CNTN3: variants seen among roughly 807,000 people sequenced by gnomAD.
The protein encoded by CNTN3 is contactin-3.
In CNTN3, 60 loss-of-function variants were observed where a neutral mutation model predicts 119.1. The ratio of observed to expected loss-of-function variants is 0.50; its 90% CI spans 0.41 to 0.62. The LOEUF (loss-of-function observed/expected upper bound fraction) is 0.62, where lower values mean the gene tolerates loss of function less well. Ranked by LOEUF, CNTN3 falls within the 20% of genes least tolerant of loss-of-function variation. The pLI is 0.00. For synonymous variants in CNTN3, 450 were observed against 438.7 expected, an observed-to-expected ratio of 1.03 and a Z score of -0.32; for missense variants, 1,101 against 1,242.4, an observed-to-expected ratio of 0.89 and a Z score of 1.71.
At chr3:74,277,387 A>G (rs527280260) in intron 20 of CNTN3, among the ~76,000 whole-genome samples, 1 of 152,304 alleles carries the variant, frequency 6.6e-6, no homozygotes, top group East Asian at 1.9e-4. Flanking sequence ...TAGCTAACTG[A>G]ATCCAACAAC....
chr3:74,391,608 C>T (rs1159794452), intron 5 of CNTN3, among the ~76,000 whole-genome samples: 1 of 144,894 alleles, frequency 6.9e-6, no homozygotes, highest in African/African-American at 2.7e-5. Flanking sequence ...GCTCTGTCCC[C>T]CAGGCTGGAG....
intron 1 of CNTN3, among the ~76,000 whole-genome samples, chr3:74,612,909 G>C (rs1381414138): frequency 6.6e-6 from 1 of 152,168 alleles, no homozygotes; most frequent in Non-Finnish European, 1.5e-5. Flanking sequence ...GCACGTATTA[G>C]GCATCTTACA....
chr3:74,525,745 G>A (rs1575808439), intron 1 of CNTN3, among the ~76,000 whole-genome samples: 1 of 151,896 alleles, frequency 6.6e-6, no homozygotes, highest in East Asian at 2.0e-4. Flanking sequence ...ATTGACAACT[G>A]TACTATCTAT....
intron 1 of CNTN3, among the ~76,000 whole-genome samples, chr3:74,613,379 G>A (rs1300714973): frequency 1.3e-5 from 2 of 150,046 alleles, no homozygotes; most frequent in Admixed American, 1.3e-4. Flanking sequence ...TGCACATCAC[G>A]CCCTCCTTGT....
chr3:74,277,031 A>G (rs1256942499), intron 20 of CNTN3, among the ~76,000 whole-genome samples: 1 of 152,148 alleles, frequency 6.6e-6, no homozygotes, highest in African/African-American at 2.4e-5. Context: ...TAGAAAATCT[A>G]GAAGGGATGG....
chr3:74,606,424 G>T (rs921198554), intron 1 of CNTN3, among the ~76,000 whole-genome samples: 1 of 151,838 alleles, frequency 6.6e-6, no homozygotes, highest in Non-Finnish European at 1.5e-5. Context: ...TATGCATTTT[G>T]TGTGTGTGTC....
chr3:74,551,853 T>C (rs1703996913), intron 1 of CNTN3, among the ~76,000 whole-genome samples: 1 of 149,010 alleles, frequency 6.7e-6, no homozygotes, highest in Admixed American at 6.7e-5. Context: ...AGCCTCTGCC[T>C]TGTGGGTTCC....
At chr3:74,463,237 G>A (rs1702403909) in intron 4 of CNTN3, among the ~76,000 whole-genome samples, 1 of 152,256 alleles carries the variant, frequency 6.6e-6, no homozygotes, top group Middle Eastern at 3.4e-3. Flanking sequence ...CTTTTCTGAA[G>A]TAAGTGTGGA....
chr3:74,525,826 C>T (rs182489382), intron 1 of CNTN3, among the ~76,000 whole-genome samples: 2 of 151,928 alleles, frequency 1.3e-5, no homozygotes, highest in African/African-American at 4.8e-5. Context: ...AATAGTTGTG[C>T]CTGGTTGCTC....
At chr3:74,358,474 C>A (rs959557099) in intron 11 of CNTN3, among the ~76,000 whole-genome samples, 1 of 150,440 alleles carries the variant, frequency 6.6e-6, no homozygotes, top group Non-Finnish European at 1.5e-5. Context: ...TTCCCAGTTT[C>A]TCTTGCAGTT....
chr3:74,554,878 T>A (rs1279009495), intron 1 of CNTN3, among the ~76,000 whole-genome samples: 1 of 152,180 alleles, frequency 6.6e-6, no homozygotes, highest in African/African-American at 2.4e-5. Flanking sequence ...TTTGACTTCT[T>A]CTCTTCCTAT....
At chr3:74,489,662 G>T in intron 3 of CNTN3, among the ~76,000 whole-genome samples, 1 of 127,032 alleles carries the variant, frequency 7.9e-6, no homozygotes, top group African/African-American at 3.1e-5. Flanking sequence ...CCTTAGTCAT[G>T]CCTTTCAACC....
At chr3:74,528,351 C>T (rs1055659120) in intron 1 of CNTN3, among the ~76,000 whole-genome samples, 2 of 151,756 alleles carry the variant, frequency 1.3e-5, no homozygotes, top group Non-Finnish European at 2.9e-5. Flanking sequence ...GACAATTTTG[C>T]AATACCAGGA....
Position 74,285,464 on chromosome 3 carries a change from C to G in CNTN3, c.2545G>C (p.Glu849Gln), listed in dbSNP as rs749302761. The change falls in exon 20 of 23, where the codon GAG becomes CAG. Residue 849 changes from glutamate (E) to glutamine (Q), a missense_variant. By Grantham distance (29) the Glu-to-Gln change is conservative (BLOSUM62 2). Coordinates refer to ENST00000263665, the MANE Select transcript of CNTN3 (RefSeq NM_020872.3). ...ACTTTCATCTTACTGGATGATTCCTCCTTTCCACCCCCATTCCAGTACCGC... is the reference window on the plus strand; with the variant it reads ...ACTTTCATCTTACTGGATGATTCCTGCTTTCCACCCCCATTCCAGTACCGC... Reference protein sequence around the residue: ...EVRYWNGGGKEESSSKMKVAG... With the variant: ...EVRYWNGGGKQESSSKMKVAG... The G allele has an allele frequency of 3.0e-5, 48 of 1,611,930 alleles. No individual in the cohort carries two copies. The highest frequency in any genetic ancestry group is 4.0e-5 in the Non-Finnish European group (47 of 1,179,078).
Position 74,366,780 on chromosome 3 carries a change from GTATATATATA to G in CNTN3, c.947-1088_947-1079del, listed in dbSNP as rs59223804. Reference sequence around the variant, plus strand: ...TGTGCGTGTGTGTGTGTGTGTGTGTGTATATATATATATATATATATATATATAACTTGCT... The same window carrying G: ...TGTGCGTGTGTGTGTGTGTGTGTGTGTATATATATATATATATAACTTGCT... On this transcript the variant is annotated intron_variant, in intron 8 of 22. Coordinates refer to ENST00000263665, the MANE Select transcript of CNTN3 (RefSeq NM_020872.3). Among the ~76,000 whole-genome samples the G allele has an allele frequency of 3.0e-4, 19 of 63,704 alleles. No homozygotes were observed. The South Asian group carries it at 5.2e-3, about 18-fold the overall frequency. 41.8% of individuals were successfully genotyped at this position (63,704 alleles called of 152,430 possible). A position where few individuals can be genotyped will look rare whatever the true frequency, so the allele number is the denominator to read the frequency against.
intron 13 of CNTN3, among the ~76,000 whole-genome samples, chr3:74,314,323 G>C: frequency 6.6e-6 from 1 of 152,148 alleles, no homozygotes; most frequent in East Asian, 1.9e-4. Flanking sequence ...ATTACTACTT[G>C]AATATCTATA....
At chr3:74,589,036 A>C (rs1392033378) in intron 1 of CNTN3, among the ~76,000 whole-genome samples, 1 of 151,620 alleles carries the variant, frequency 6.6e-6, no homozygotes, top group African/African-American at 2.4e-5. Context: ...CATTCAGGAC[A>C]TAGGCATGGG....
intron 1 of CNTN3, among the ~76,000 whole-genome samples, chr3:74,564,597 C>T (rs1433606988): frequency 1.3e-5 from 2 of 150,244 alleles, no homozygotes; most frequent in Admixed American, 6.7e-5. Context: ...AGGTCCTGTA[C>T]GGGTACTGGA....
chr3:74,426,254 T>C (rs980696657), intron 4 of CNTN3, among the ~76,000 whole-genome samples: 4 of 152,186 alleles, frequency 2.6e-5, no homozygotes. Flanking sequence ...ATATACTCTA[T>C]GGTGTCACTT....
Sources: allele counts gnomAD v4.1 joint callset (sites outside exome capture counted in the v4.1 genomes callset), GRCh38; gene constraint gnomAD v4.1.1; transcripts MANE v1.5; gene names NCBI Gene and HGNC (gene_info 2026-07-23, HGNC 2026-07-21).